The following CHRM3 variants were observed in gnomAD, a reference collection of about 807,000 sequenced individuals.
The protein encoded by CHRM3 is cholinergic receptor muscarinic 3, also known as muscarinic acetylcholine receptor M3.
Under a neutral mutation model 41.8 loss-of-function variants are expected in CHRM3, and 11 were observed. The observed-to-expected ratio is 0.26, with a 90% CI of 0.17 to 0.44. The LOEUF (loss-of-function observed/expected upper bound fraction) is 0.44. Among genes scored for constraint, CHRM3 ranks in the 20% least tolerant of loss-of-function variants. The probability of loss-of-function intolerance (pLI) is 1.00; values close to 1 mark genes in which losing one functional copy is unlikely to be tolerated. For missense variants in CHRM3, 571 were observed against 745.4 expected (o/e 0.77, Z 2.72); for synonymous variants, 297 against 301.4 (o/e 0.99, Z 0.15).
At chr1:239,570,589 A>G (rs562069518) in intron 3 of CHRM3, among the ~76,000 whole-genome samples, 4 of 152,282 alleles carry the variant, frequency 2.6e-5, no homozygotes, top group Non-Finnish European at 4.4e-5. Context: ...ACTCAAATCT[A>G]TACTAATGCT....
chr1:239,489,000 T>C (rs1025063777), intron 1 of CHRM3, among the ~76,000 whole-genome samples: 4 of 152,318 alleles, frequency 2.6e-5, no homozygotes, highest in African/African-American at 9.6e-5. Context: ...TTCAGCTATA[T>C]TTATATGCTA....
At chr1:239,411,234 GT>G (rs1661036783) in intron 1 of CHRM3, among the ~76,000 whole-genome samples, 1 of 152,148 alleles carries the variant, frequency 6.6e-6, no homozygotes, top group African/African-American at 2.4e-5. Flanking sequence ...AAAATGACTT[GT>G]GGGGCCTGCA....
At chr1:239,664,588 C>T (rs1205432793) in intron 4 of CHRM3, among the ~76,000 whole-genome samples, 2 of 152,132 alleles carry the variant, frequency 1.3e-5, no homozygotes, top group African/African-American at 4.8e-5. Context: ...CTTCCTTCCT[C>T]TTAGTCTCAT....
intron 2 of CHRM3, among the ~76,000 whole-genome samples, chr1:239,500,505 T>C (rs1668164046): frequency 6.6e-6 from 1 of 151,690 alleles, no homozygotes; most frequent in Non-Finnish European, 1.5e-5. Flanking sequence ...TTTGGAGATA[T>C]ACCTAATGTT....
intron 4 of CHRM3, among the ~76,000 whole-genome samples, chr1:239,637,255 A>G (rs779379522): frequency 1.3e-5 from 2 of 152,092 alleles, no homozygotes; most frequent in Non-Finnish European, 2.9e-5. Flanking sequence ...ACATCACTAA[A>G]TATTCTTTTT....
intron 4 of CHRM3, among the ~76,000 whole-genome samples, chr1:239,639,227 G>A (rs1670824589): frequency 6.6e-6 from 1 of 152,164 alleles, no homozygotes; most frequent in Admixed American, 6.5e-5. Context: ...TTTTGGCTTA[G>A]GATTGACTTG....
chr1:239,561,324 G>T (rs1018327976), intron 3 of CHRM3, among the ~76,000 whole-genome samples: 1 of 152,136 alleles, frequency 6.6e-6, no homozygotes, highest in African/African-American at 2.4e-5. Flanking sequence ...GCGGAGCCCT[G>T]TATGGCCATT....
intron 5 of CHRM3, among the ~76,000 whole-genome samples, chr1:239,814,207 T>A (rs1415954697): frequency 6.6e-6 from 1 of 152,104 alleles, no homozygotes; most frequent in Non-Finnish European, 1.5e-5. Context: ...TAGTGTGGGT[T>A]CTCCCTCTCT....
intron 5 of CHRM3, among the ~76,000 whole-genome samples, chr1:239,744,375 G>T (rs1192421157): frequency 2.6e-5 from 4 of 152,046 alleles, no homozygotes; most frequent in Non-Finnish European, 5.9e-5. Context: ...GTGTGGAATG[G>T]GGTGGTGATG....
chr1:239,580,704 T>TATATATATATATATATATATACACAC (rs570878631), intron 3 of CHRM3, among the ~76,000 whole-genome samples: 4 of 131,072 alleles, frequency 3.1e-5, no homozygotes, highest in African/African-American at 1.1e-4. Context: ...TATATATATA[T>TATATATATATATATATATATACACAC]ACACACACAC....
Position 239,914,852 on chromosome 1 carries a change from A to C in CHRM3, c.*5628A>C, listed in dbSNP as rs1358205344. ...TATCCTGTTCTGCAAGCAATCAAACACATGATCTCCCTTCTAGCCATTCCT... is the reference window on the plus strand; with the variant it reads ...TATCCTGTTCTGCAAGCAATCAAACCCATGATCTCCCTTCTAGCCATTCCT... On this transcript the variant is annotated 3_prime_UTR_variant, in exon 7 of 7. Transcript: ENST00000676153. The C allele has an allele frequency of 6.0e-6, 1 of 166,940 alleles. No individual in the cohort carries two copies. The highest frequency in any genetic ancestry group is 1.5e-5 in the Non-Finnish European group (1 of 68,112). 10.3% of individuals were successfully genotyped at this position (166,940 alleles called of 1,614,324 possible).
At chr1:239,753,110 A>G (rs896227027) in intron 5 of CHRM3, among the ~76,000 whole-genome samples, 9 of 152,328 alleles carry the variant, frequency 5.9e-5, no homozygotes, top group African/African-American at 2.2e-4. Context: ...AATAATTCAT[A>G]TGCTTTCTGA....
In CHRM3 at chr1:239,541,442, A is replaced by G. The variant is rs537833557; in HGVS notation, c.-421-4199A>G. ...TATTTTATTTTGTGCATATTTCAAG[A>G]TGGATCTCCAAGATAACTAAATTGT... On this transcript the variant is annotated intron_variant, in intron 2 of 6. Transcript: ENST00000676153. 5.3e-5 allele frequency among the ~76,000 whole-genome samples: 8 copies of G among 152,318 alleles called. No homozygotes were observed. The East Asian group carries it at 1.5e-3, about 29-fold the overall frequency.
chr1:239,396,112 G>C, intron 1 of CHRM3, among the ~76,000 whole-genome samples: 1 of 152,222 alleles, frequency 6.6e-6, no homozygotes, highest in South Asian at 2.1e-4. Context: ...TTAGCAATTT[G>C]TCAAGGACCA....
chr1:239,680,877 T>G (rs1658495581), intron 5 of CHRM3, among the ~76,000 whole-genome samples: 1 of 152,124 alleles, frequency 6.6e-6, no homozygotes, highest in Admixed American at 6.6e-5. Context: ...TGTATTAGTT[T>G]GTTTTCATGC....
intron 1 of CHRM3, among the ~76,000 whole-genome samples, chr1:239,444,006 G>A (rs1312450491): frequency 6.6e-6 from 1 of 152,128 alleles, no homozygotes; most frequent in Non-Finnish European, 1.5e-5. Flanking sequence ...AAAAAAGTAG[G>A]CTGTGAGGTG....
At chr1:239,747,086 A>G (rs1174285032) in intron 5 of CHRM3, among the ~76,000 whole-genome samples, 2 of 152,080 alleles carry the variant, frequency 1.3e-5, no homozygotes, top group African/African-American at 4.8e-5. Context: ...TTAACGAGAT[A>G]TTTGTCGAAG....
intron 1 of CHRM3, among the ~76,000 whole-genome samples, chr1:239,407,526 A>C (rs1477023583): frequency 4.0e-5 from 6 of 151,642 alleles, no homozygotes; most frequent in Admixed American, 1.3e-4. Flanking sequence ...GCTCAATCCC[A>C]CTTTTATTTT....
intron 3 of CHRM3, among the ~76,000 whole-genome samples, chr1:239,601,708 C>T (rs1473424214): frequency 6.6e-6 from 1 of 152,094 alleles, no homozygotes; most frequent in Non-Finnish European, 1.5e-5. Context: ...ATAATAAGTG[C>T]TCAACAAACG....
Sources: allele counts gnomAD v4.1 joint callset (sites outside exome capture counted in the v4.1 genomes callset), GRCh38; gene constraint gnomAD v4.1.1; transcripts MANE v1.5; gene names NCBI Gene and HGNC (gene_info 2026-07-23, HGNC 2026-07-21).